DIS3L2: variants seen among roughly 807,000 people sequenced by gnomAD.
The protein encoded by DIS3L2 is DIS3 like 3'-5' exoribonuclease 2.
Under a neutral mutation model 97.5 loss-of-function variants are expected in DIS3L2, and 34 were observed. That is an observed-to-expected ratio of 0.35 (90% CI 0.27 to 0.46). The LOEUF (loss-of-function observed/expected upper bound fraction) is 0.46, where lower values mean the gene tolerates loss of function less well. Ranked by LOEUF, DIS3L2 falls within the 20% of genes least tolerant of loss-of-function variation. DIS3L2 has a pLI of 1.00. For missense variants in DIS3L2, 1,038 were observed against 1,146.0 expected (o/e 0.91, Z 1.36); for synonymous variants, 435 against 445.2 (o/e 0.98, Z 0.29).
intron 1 of DIS3L2, among the ~76,000 whole-genome samples, chr2:232,006,677 G>T (rs1258847403): frequency 6.6e-6 from 1 of 151,988 alleles, no homozygotes; most frequent in African/African-American, 2.4e-5. Flanking sequence ...GTGAGATGAG[G>T]TATAAGAGTA....
rs146554116 is a variant in DIS3L2, at chr2:232,235,430, T to A, written c.1205-3103T>A. On this transcript the variant is annotated intron_variant, in intron 10 of 20. Coordinates refer to ENST00000325385, the MANE Select transcript of DIS3L2 (RefSeq NM_152383.5). Reference sequence around the variant, plus strand: ...AAACATATATAATAAAATATTTACTTAGGGTTTCCATAAAAAAGATCCAAA... The same window carrying A: ...AAACATATATAATAAAATATTTACTAAGGGTTTCCATAAAAAAGATCCAAA... Among the ~76,000 whole-genome samples the A allele has an allele frequency of 3.1e-3, 473 of 152,344 alleles. 3 individuals are homozygous for A. The highest frequency in any genetic ancestry group is 0.01 in the African/African-American group (428 of 41,586).
At chr2:232,144,063 A>G (rs186577082) in intron 8 of DIS3L2, among the ~76,000 whole-genome samples, 73 of 152,058 alleles carry the variant, frequency 4.8e-4, no homozygotes, top group African/African-American at 1.7e-3. Context: ...TAATATTTCC[A>G]TTTTCTGAAA....
At chr2:232,336,301 C>A in intron 20 of DIS3L2, 168 bp from the exon 21 acceptor site, 1 of 1,547,418 alleles carries the variant, frequency 6.5e-7, no homozygotes, top group Non-Finnish European at 8.7e-7. Flanking sequence ...CAACTCTGCC[C>A]TGACCCAGGG....
At chr2:232,085,324 G>T (rs980567065) in intron 5 of DIS3L2, among the ~76,000 whole-genome samples, 3 of 152,162 alleles carry the variant, frequency 2.0e-5, no homozygotes, top group African/African-American at 4.8e-5. Context: ...TTGGCACCTA[G>T]AACAGTTTCT....
intron 1 of DIS3L2, among the ~76,000 whole-genome samples, chr2:231,975,568 G>T (rs1693059653): frequency 1.3e-5 from 2 of 151,924 alleles, no homozygotes; most frequent in Non-Finnish European, 2.9e-5. Flanking sequence ...AGCCAGGCGT[G>T]GTGGCAGGCA....
intron 9 of DIS3L2, among the ~76,000 whole-genome samples, chr2:232,186,194 C>T (rs1052036815): frequency 2.6e-5 from 4 of 151,928 alleles, no homozygotes; most frequent in East Asian, 1.9e-4. Context: ...GATGGATAAA[C>T]GGAAGACACA....
intron 9 of DIS3L2, among the ~76,000 whole-genome samples, chr2:232,195,168 T>C (rs192208601): frequency 7.2e-5 from 11 of 152,310 alleles, no homozygotes; most frequent in Non-Finnish European, 1.3e-4. Flanking sequence ...CTTTCTTCTG[T>C]TAAAAATTAC....
intron 1 of DIS3L2, among the ~76,000 whole-genome samples, chr2:231,970,319 A>G (rs1277010000): frequency 5.3e-5 from 8 of 152,110 alleles, no homozygotes; most frequent in Non-Finnish European, 8.8e-5. Flanking sequence ...CTAACAATGG[A>G]GATGCATTCT....
rs574176454 is a variant in DIS3L2 at position 232,246,749 on chromosome 2, C to T, written c.1318-2490C>T. Among the ~76,000 whole-genome samples the T allele has an allele frequency of 5.9e-5, 9 of 152,256 alleles. No individual in the cohort carries two copies. In the East Asian group the frequency reaches 1.5e-3, roughly 26 times the overall value. On this transcript the variant is annotated intron_variant, in intron 11 of 20. Coordinates refer to ENST00000325385, the MANE Select transcript of DIS3L2 (RefSeq NM_152383.5). ...TTGTATTTTTTTAAGTGGTGAGGCC[C>T]TTTTTGCAAATAATATCTGAACCCC...
At chr2:232,301,319 G>A (rs1694850398) in intron 14 of DIS3L2, among the ~76,000 whole-genome samples, 1 of 152,164 alleles carries the variant, frequency 6.6e-6, no homozygotes, top group Non-Finnish European at 1.5e-5. Flanking sequence ...AGAAACCCCA[G>A]TCAATGACAA....
At chr2:232,169,092 G>T (rs533648294) in intron 9 of DIS3L2, among the ~76,000 whole-genome samples, 1 of 152,124 alleles carries the variant, frequency 6.6e-6, no homozygotes, top group Non-Finnish European at 1.5e-5. Context: ...GGGGTGCTTG[G>T]TGCAAGTGTT....
intron 5 of DIS3L2, among the ~76,000 whole-genome samples, chr2:232,086,038 C>T (rs1696572766): frequency 6.6e-6 from 1 of 152,160 alleles, no homozygotes; most frequent in African/African-American, 2.4e-5. Context: ...GTCTTAAACT[C>T]CTCCTGCCTT....
At chr2:232,149,319 G>A (rs1294528555) in intron 8 of DIS3L2, among the ~76,000 whole-genome samples, 1 of 142,454 alleles carries the variant, frequency 7.0e-6, no homozygotes, top group African/African-American at 2.7e-5. Context: ...CTAGCATTAG[G>A]TATATCTCCC....
At chr2:232,237,771 T>C (rs1692973918) in intron 10 of DIS3L2, among the ~76,000 whole-genome samples, 1 of 152,040 alleles carries the variant, frequency 6.6e-6, no homozygotes, top group Non-Finnish European at 1.5e-5. Context: ...TGTTTGGGGA[T>C]TCTCTTTCAG....
chr2:232,243,279 T>C (rs901385399), intron 11 of DIS3L2, among the ~76,000 whole-genome samples: 1 of 152,022 alleles, frequency 6.6e-6, no homozygotes, highest in Non-Finnish European at 1.5e-5. Flanking sequence ...AGGAGCAGTA[T>C]GCAGTTTGGA....
chr2:232,099,056 CTTCA>C (rs1697118129), intron 6 of DIS3L2, among the ~76,000 whole-genome samples: 1 of 152,126 alleles, frequency 6.6e-6, no homozygotes, highest in Non-Finnish European at 1.5e-5. Context: ...GATGCGCATT[CTTCA>C]TTGATTAAGA....
chr2:232,174,326 C>A (rs1691083250), intron 9 of DIS3L2, among the ~76,000 whole-genome samples: 2 of 151,956 alleles, frequency 1.3e-5, no homozygotes, highest in Admixed American at 6.6e-5. Flanking sequence ...TGGCTCATGC[C>A]TGTAATCTCA....
rs762087314 is a variant in DIS3L2, at chr2:232,334,641, C to T, written c.2300C>T (p.Pro767Leu). The T allele has an allele frequency of 1.8e-5, 29 of 1,608,182 alleles. No individual in the cohort carries two copies. The highest frequency in any genetic ancestry group is 2.4e-5 in the Non-Finnish European group (28 of 1,177,686). The part of the protein sequence containing the change: ...FFAVLVKESG[P>L]LESEAMVMGI... Reference sequence around the variant, plus strand: ...GCACTGTCCCTGCAGGAGAGTGGCCCCCTGGAGTCAGAAGCCATGGTGATG... The same window carrying T: ...GCACTGTCCCTGCAGGAGAGTGGCCTCCTGGAGTCAGAAGCCATGGTGATG... The change falls in exon 19 of 21, where the codon CCC becomes CTC. Residue 767 changes from proline (P) to leucine (L), a missense_variant. Around this residue, in one of 3 missense-constraint regions of DIS3L2, gnomAD observed 221 missense variants for 246.9 expected, o/e 0.90. Coordinates refer to ENST00000325385, the MANE Select transcript of DIS3L2 (RefSeq NM_152383.5).
chr2:232,301,294 C>A (rs1044731240), intron 14 of DIS3L2, among the ~76,000 whole-genome samples: 1 of 152,116 alleles, frequency 6.6e-6, no homozygotes, highest in African/African-American at 2.4e-5. Flanking sequence ...AAACAAGTGA[C>A]CCGTATTTTT....
Sources: gnomAD v4.1 joint callset for allele counts (sites outside exome capture counted in the v4.1 genomes callset) on GRCh38, gnomAD v4.1.1 for gene constraint, gnomAD v4.1.1 regional missense constraint, MANE v1.5 for transcripts, NCBI Gene and HGNC (gene_info 2026-07-23, HGNC 2026-07-21) for gene names.